The following BMPER variants were observed in gnomAD, a reference collection of about 807,000 sequenced individuals.
The protein encoded by BMPER is BMP binding endothelial regulator.
Under a neutral mutation model 87.3 loss-of-function variants are expected in BMPER, and 45 were observed. The ratio of observed to expected loss-of-function variants is 0.52; its 90% CI spans 0.41 to 0.66. The LOEUF (loss-of-function observed/expected upper bound fraction) is 0.66, where lower values mean the gene tolerates loss of function less well. Ranked by LOEUF, BMPER falls within the 30% of genes least tolerant of loss-of-function variation. BMPER has a pLI of 0.00. For missense variants in BMPER, 784 were observed against 867.5 expected (o/e 0.90, Z 1.21); for synonymous variants, 326 against 316.2 (o/e 1.03, Z -0.33).
In BMPER at chr7:34,153,639, TC is replaced by T. The variant is rs952482447; in HGVS notation, c.*367del. 5.2e-5 allele frequency: 10 copies of T among 191,464 alleles called. No individual in the cohort carries two copies. Among genetic ancestry groups the T allele is most frequent in the Non-Finnish European group, 1.1e-4 (10 of 90,832 alleles). 11.9% of individuals were successfully genotyped at this position (191,464 alleles called of 1,614,324 possible). On this transcript the variant is annotated 3_prime_UTR_variant, in exon 15 of 15. Coordinates refer to ENST00000649409, the MANE Select transcript of BMPER (RefSeq NM_001365308.1). The stretch of plus-strand genomic sequence containing the variant: ...TTTTAAGGAAGTTTTCTAAGAGCCC[TC>T]AATTGCCTGCCTGTATTAATTTTAG...
At chr7:33,971,327 T>C (rs1785540963) in intron 5 of BMPER, among the ~76,000 whole-genome samples, 1 of 152,092 alleles carries the variant, frequency 6.6e-6, no homozygotes, top group African/African-American at 2.4e-5. Flanking sequence ...GCATGGTCCC[T>C]TTCAGAGTTC....
intron 6 of BMPER, among the ~76,000 whole-genome samples, chr7:34,035,709 C>G (rs1474092666): frequency 6.6e-6 from 1 of 152,202 alleles, no homozygotes; most frequent in African/African-American, 2.4e-5. Flanking sequence ...TGATGTTACT[C>G]TGGCCTCACT....
rs1791293499 is a variant in BMPER at position 34,155,914 on chromosome 7, AATT to A, written c.*2644_*2646del. 1 of 152,246 alleles carries A rather than the reference AATT, an allele frequency of 6.6e-6. No homozygotes were observed. Among genetic ancestry groups the A allele is most frequent in the African/African-American group, 2.4e-5 (1 of 41,474 alleles). The allele number at this position is 152,246 out of a possible 1,614,324, so 9.4% of individuals were successfully genotyped here. A position where few individuals can be genotyped will look rare whatever the true frequency, so the allele number is the denominator to read the frequency against. On this transcript the variant is annotated 3_prime_UTR_variant, in exon 15 of 15. Transcript: ENST00000649409. ...AGCACCCTCAATGAAGAACAAGCAT[AATT>A]ATGATTCTAATTGCCCATTGTTGGT...
chr7:33,999,808 G>C (rs1219432330), intron 6 of BMPER, among the ~76,000 whole-genome samples: 1 of 152,222 alleles, frequency 6.6e-6, no homozygotes, highest in Non-Finnish European at 1.5e-5. Context: ...AGGCCATAGA[G>C]AGCACATCTT....
chr7:33,992,467 T>G (rs971081350), intron 6 of BMPER, among the ~76,000 whole-genome samples: 1 of 145,914 alleles, frequency 6.9e-6, no homozygotes, highest in Admixed American at 6.9e-5. Flanking sequence ...TTCCATTGGC[T>G]TGGTAGATCT....
chr7:34,076,777 T>G (rs1389001576), intron 11 of BMPER, among the ~76,000 whole-genome samples: 1 of 152,150 alleles, frequency 6.6e-6, no homozygotes, highest in African/African-American at 2.4e-5. Context: ...AAGGAGAAGA[T>G]TGCCACAGGA....
chr7:34,142,748 A>G (rs572691588), intron 13 of BMPER, among the ~76,000 whole-genome samples: 2 of 152,274 alleles, frequency 1.3e-5, no homozygotes, highest in South Asian at 4.1e-4. Flanking sequence ...CAAGTTGGTT[A>G]CCATTTTTGG....
rs1396613035 is a variant in BMPER at position 34,079,057 on chromosome 7, G to A, written c.1279G>A (p.Glu427Lys). 1.2e-6 allele frequency: 2 copies of A among 1,614,022 alleles called. No individual in the cohort carries two copies. The highest frequency in any genetic ancestry group is 1.7e-5 in the Admixed American group (1 of 60,016). The change falls in exon 12 of 15, where the codon GAG (glutamate) becomes AAG (lysine). Residue 427 changes from glutamate (E) to lysine (K), a missense_variant. By Grantham distance (56) the Glu-to-Lys change is moderately conservative. Coordinates refer to ENST00000649409, the MANE Select transcript of BMPER (RefSeq NM_001365308.1). ...WTKSVELVLG[E>K]SRVSLQQHLT... ...CAAGTCGGTGGAGCTGGTGCTGGGC[G>A]AGAGCAGGGTCAGCCTGCAGCAGCA...
rs182915942 is a variant in BMPER, at chr7:34,010,925, C to T, written c.577-35381C>T. On this transcript the variant is annotated intron_variant, in intron 6 of 14. Transcript: ENST00000649409. ...TTTTCTGAAATAGTAATTTGGTGTT[C>T]GGAATTAAATAATTTAGAAAATGCC... is the stretch of plus-strand genomic sequence containing the variant. 2.3e-3 allele frequency among the ~76,000 whole-genome samples: 347 copies of T among 151,676 alleles called. 2 individuals carry two copies. The highest frequency in any genetic ancestry group is 7.9e-3 in the African/African-American group (326 of 41,408).
At chr7:34,136,257 G>T (rs189589127) in intron 13 of BMPER, among the ~76,000 whole-genome samples, 1 of 152,276 alleles carries the variant, frequency 6.6e-6, no homozygotes, top group East Asian at 1.9e-4. Context: ...GCTTCTGGCC[G>T]TGTTTTTCAT....
rs139276798 is a variant in BMPER at position 33,944,234 on chromosome 7, C to T, written c.319+6846C>T. ...AGGCTGGAGTGCAGTAGTGTGATCT[C>T]GGCTCACTGCAACCTCCGCCTCCTG... On this transcript the variant is annotated intron_variant, in intron 3 of 14. Coordinates refer to ENST00000649409, the MANE Select transcript of BMPER (RefSeq NM_001365308.1). Among the ~76,000 whole-genome samples the T allele has an allele frequency of 6.6e-3, 999 of 151,472 alleles. 12 individuals carry two copies. Among genetic ancestry groups the T allele is most frequent in the African/African-American group, 0.023 (951 of 41,254 alleles).
At chr7:34,069,640 A>G (rs1788687725) in intron 11 of BMPER, among the ~76,000 whole-genome samples, 2 of 152,216 alleles carry the variant, frequency 1.3e-5, no homozygotes, top group Non-Finnish European at 2.9e-5. Context: ...CTACATTTGT[A>G]TTCATTTTGG....
intron 13 of BMPER, among the ~76,000 whole-genome samples, chr7:34,112,400 G>C (rs967273451): frequency 6.7e-6 from 1 of 150,366 alleles, no homozygotes; most frequent in Non-Finnish European, 1.5e-5. Flanking sequence ...GGAGGCTGAG[G>C]CAGGAGAACG....
intron 6 of BMPER, among the ~76,000 whole-genome samples, chr7:34,043,723 T>C (rs745987794): frequency 2.6e-5 from 4 of 152,072 alleles, no homozygotes; most frequent in Non-Finnish European, 4.4e-5. Context: ...CTTAAACAAA[T>C]GTTTAATAAA....
intron 11 of BMPER, among the ~76,000 whole-genome samples, chr7:34,063,293 T>C (rs1421336362): frequency 6.6e-6 from 1 of 152,212 alleles, no homozygotes; most frequent in Non-Finnish European, 1.5e-5. Flanking sequence ...TTCTCTAAAA[T>C]AGAGTTGATA....
At position 34,079,869 on chromosome 7, in the gene BMPER, T is replaced by C. The variant is rs189984894; in HGVS notation, c.1408+683T>C. Among the ~76,000 whole-genome samples, 5 of 152,230 alleles carry C rather than the reference T, an allele frequency of 3.3e-5. No individual in the cohort carries two copies. In the East Asian group the frequency reaches 7.7e-4, roughly 24 times the overall value. On this transcript the variant is annotated intron_variant, in intron 12 of 14. Coordinates refer to ENST00000649409, the MANE Select transcript of BMPER (RefSeq NM_001365308.1). ...ACTCCAAGAGCACATATATTCCCCCTTGGGCCAAACTATTTTTGACTGCCA... is the reference window on the plus strand; with the variant it reads ...ACTCCAAGAGCACATATATTCCCCCCTGGGCCAAACTATTTTTGACTGCCA...
intron 2 of BMPER, among the ~76,000 whole-genome samples, chr7:33,909,202 A>T (rs1783893402): frequency 6.6e-6 from 1 of 152,182 alleles, no homozygotes; most frequent in Non-Finnish European, 1.5e-5. Flanking sequence ...CAGATGAGGA[A>T]ACTGAGGCAT....
At chr7:34,042,019 C>T (rs946810670) in intron 6 of BMPER, among the ~76,000 whole-genome samples, 1 of 152,080 alleles carries the variant, frequency 6.6e-6, no homozygotes, top group African/African-American at 2.4e-5. Context: ...GGAGAAGCAT[C>T]GTGTATGCAC....
At chr7:34,012,412 A>G (rs1382283463) in intron 6 of BMPER, among the ~76,000 whole-genome samples, 1 of 151,976 alleles carries the variant, frequency 6.6e-6, no homozygotes, top group Non-Finnish European at 1.5e-5. Context: ...CATAGGGCAA[A>G]TAGGTCTTAG....
Sources: gnomAD v4.1 joint callset for allele counts (sites outside exome capture counted in the v4.1 genomes callset) on GRCh38, gnomAD v4.1.1 for gene constraint, MANE v1.5 for transcripts, NCBI Gene and HGNC (gene_info 2026-07-23, HGNC 2026-07-21) for gene names.